The following STAG1 variants were observed in gnomAD, a reference collection of about 807,000 sequenced individuals.
The protein encoded by STAG1 is cohesin subunit SA-1.
STAG1 carries 26 observed loss-of-function variants against 170.9 expected under a neutral mutation model. The observed-to-expected ratio is 0.15, with a 90% CI of 0.11 to 0.21. STAG1 has a LOEUF of 0.21. STAG1 is among the 10% of genes least tolerant of loss of function. The probability of loss-of-function intolerance (pLI) is 1.00; values close to 1 mark genes in which losing one functional copy is unlikely to be tolerated. For missense variants in STAG1, 964 were observed against 1,509.5 expected (o/e 0.64, Z 5.99); for synonymous variants, 514 against 497.7 (o/e 1.03, Z -0.44).
intron 7 of STAG1, among the ~76,000 whole-genome samples, chr3:136,515,500 C>T (rs1934324495): frequency 6.6e-6 from 1 of 152,020 alleles, no homozygotes; most frequent in Admixed American, 6.6e-5. Context: ...CCAATACTAC[C>T]ACGAGAAAGG....
intron 27 of STAG1, 58 bp downstream of exon 27, chr3:136,359,090 A>G: frequency 7.0e-7 from 1 of 1,419,034 alleles, no homozygotes; most frequent in Non-Finnish European, 9.5e-7. Context: ...TATAAGAGTT[A>G]TTTCATTAAA....
chr3:136,347,890 G>A (rs544693808), intron 29 of STAG1, among the ~76,000 whole-genome samples: 1 of 152,172 alleles, frequency 6.6e-6, no homozygotes. Flanking sequence ...ACTTAGAGAG[G>A]TTAAGTAATA....
At position 136,522,746 on chromosome 3, in the gene STAG1, C is replaced by T. The variant is rs547377380; in HGVS notation, c.472-1329G>A. Reference sequence around the variant, plus strand: ...CCCCCCACCCCACGGCAGGTCCCAGCGTGTGACGTTCCCTTCCTGTGTCCA... The same window carrying T: ...CCCCCCACCCCACGGCAGGTCCCAGTGTGTGACGTTCCCTTCCTGTGTCCA... On this transcript the variant is annotated intron_variant, in intron 6 of 33. Transcript: ENST00000383202. Among the ~76,000 whole-genome samples, 18 of 139,804 alleles carry T rather than the reference C, an allele frequency of 1.3e-4. 1 individual carries two copies. The highest frequency in any genetic ancestry group is 4.8e-4 in the African/African-American group (18 of 37,428). 91.7% of individuals were successfully genotyped at this position (139,804 alleles called of 152,430 possible).
chr3:136,554,545 A>G (rs1936529651), intron 5 of STAG1, among the ~76,000 whole-genome samples: 1 of 152,188 alleles, frequency 6.6e-6, no homozygotes, highest in East Asian at 1.9e-4. Flanking sequence ...CAAGGAAGCT[A>G]AAGAAGAAAA....
chr3:136,718,953 G>T (rs1933032573), intron 1 of STAG1, among the ~76,000 whole-genome samples: 1 of 151,812 alleles, frequency 6.6e-6, no homozygotes, highest in Non-Finnish European at 1.5e-5. Flanking sequence ...GGCAGGGAGG[G>T]GGCAAAACAG....
At chr3:136,364,139 A>G (rs1398714509) in intron 25 of STAG1, among the ~76,000 whole-genome samples, 1 of 151,596 alleles carries the variant, frequency 6.6e-6, no homozygotes, top group East Asian at 1.9e-4. Context: ...CTGGAGTGCA[A>G]TGGCATGATC....
intron 1 of STAG1, among the ~76,000 whole-genome samples, chr3:136,708,742 T>A (rs1302756200): frequency 1.2e-4 from 19 of 152,142 alleles, no homozygotes. Context: ...CTACTTAAAA[T>A]TGTTAGGTGC....
intron 1 of STAG1, among the ~76,000 whole-genome samples, chr3:136,666,489 GAGTA>G (rs1576737696): frequency 1.3e-5 from 2 of 152,184 alleles, no homozygotes; most frequent in African/African-American, 4.8e-5. Context: ...TAAGCACAGA[GAGTA>G]AGTAACTTGC....
At chr3:136,614,245 CTTATA>C (rs926664633) in intron 3 of STAG1, among the ~76,000 whole-genome samples, 1 of 152,176 alleles carries the variant, frequency 6.6e-6, no homozygotes, top group Non-Finnish European at 1.5e-5. Context: ...TAAAAAAGAA[CTTATA>C]TTATTTAAGA....
At chr3:136,640,368 C>CTTT (rs1046414006) in intron 1 of STAG1, among the ~76,000 whole-genome samples, 83 of 140,420 alleles carry the variant, frequency 5.9e-4, no homozygotes, top group African/African-American at 2.0e-3. Flanking sequence ...CATTAGATAA[C>CTTT]TTTTTTTTTT....
At chr3:136,481,005 T>C (rs1205654340) in intron 9 of STAG1, among the ~76,000 whole-genome samples, 1 of 128,900 alleles carries the variant, frequency 7.8e-6, no homozygotes, top group Non-Finnish European at 1.6e-5. Flanking sequence ...TTTCTAGATA[T>C]ACAATCATGT....
intron 21 of STAG1, among the ~76,000 whole-genome samples, chr3:136,402,163 G>A (rs994092056): frequency 6.6e-6 from 1 of 152,068 alleles, no homozygotes; most frequent in Non-Finnish European, 1.5e-5. Flanking sequence ...AAATCAATAA[G>A]TAGAATGCTG....
chr3:136,705,596 G>C (rs1015519547), intron 1 of STAG1, among the ~76,000 whole-genome samples: 1 of 152,048 alleles, frequency 6.6e-6, no homozygotes, highest in African/African-American at 2.4e-5. Context: ...TGCTGTTCTC[G>C]TGATAATGAA....
intron 1 of STAG1, among the ~76,000 whole-genome samples, chr3:136,751,445 AAAC>A (rs1239935626): frequency 6.6e-6 from 1 of 151,848 alleles, no homozygotes; most frequent in African/African-American, 2.4e-5. Flanking sequence ...AAAGGAGGGA[AAAC>A]AACTTTTATT....
At chr3:136,734,582 G>C (rs949769482) in intron 1 of STAG1, among the ~76,000 whole-genome samples, 4 of 152,124 alleles carry the variant, frequency 2.6e-5, no homozygotes, top group Admixed American at 6.5e-5. Flanking sequence ...ATTGTTACGT[G>C]GGGCAGCAGG....
Position 136,714,963 on chromosome 3 carries a change from ATTTTATATATATATTTT to A in STAG1, c.-84+37215_-84+37231del, listed in dbSNP as rs1943491464. Among the ~76,000 whole-genome samples, 3 of 61,714 alleles carry A rather than the reference ATTTTATATATATATTTT, an allele frequency of 4.9e-5. No individual in the cohort carries two copies. The South Asian group carries it at 1.5e-3, about 31-fold the overall frequency. The allele number at this position is 61,714 out of a possible 152,430, so 40.5% of individuals were successfully genotyped here. The stretch of plus-strand genomic sequence containing the variant: ...AATATATATATATATATATATATAT[ATTTTATATATATATTTT>A]TATATATATATTTTATATATATAAT... On this transcript the variant is annotated intron_variant, in intron 1 of 33. Coordinates refer to ENST00000383202, the MANE Select transcript of STAG1 (RefSeq NM_005862.3).
chr3:136,378,141 A>G (rs1409905121), intron 22 of STAG1, among the ~76,000 whole-genome samples: 2 of 152,234 alleles, frequency 1.3e-5, no homozygotes, highest in Admixed American at 1.3e-4. Context: ...TACTGAATTT[A>G]TCTTATATCT....
chr3:136,509,621 G>A (rs1933947545), intron 7 of STAG1, among the ~76,000 whole-genome samples: 2 of 152,068 alleles, frequency 1.3e-5, no homozygotes, highest in African/African-American at 2.4e-5. Context: ...AGAAGAGTGT[G>A]AAGAACATTA....
At chr3:136,511,602 A>C (rs1934069088) in intron 7 of STAG1, among the ~76,000 whole-genome samples, 1 of 152,184 alleles carries the variant, frequency 6.6e-6, no homozygotes, top group Admixed American at 6.5e-5. Flanking sequence ...ACGATGAGAA[A>C]GCATGAACAC....
Sources: gnomAD v4.1 joint callset for allele counts (sites outside exome capture counted in the v4.1 genomes callset) on GRCh38, gnomAD v4.1.1 for gene constraint, MANE v1.5 for transcripts, NCBI Gene and HGNC (gene_info 2026-07-23, HGNC 2026-07-21) for gene names.